The following BMERB1 variants were observed in gnomAD, a reference collection of about 807,000 sequenced individuals.
BMERB1 encodes the protein bMERB domain-containing protein 1.
In BMERB1, 12 loss-of-function variants were observed where a neutral mutation model predicts 23.6. The ratio of observed to expected loss-of-function variants is 0.51; its 90% CI spans 0.33 to 0.82. The LOEUF (loss-of-function observed/expected upper bound fraction) is 0.82, where lower values mean the gene tolerates loss of function less well. Among genes scored for constraint, BMERB1 ranks in the 40% least tolerant of loss-of-function variants. The probability of loss-of-function intolerance (pLI) is 0.03; values close to 1 mark genes in which losing one functional copy is unlikely to be tolerated. For synonymous variants in BMERB1, 122 were observed against 96.6 expected, an observed-to-expected ratio of 1.26 and a Z score of -1.54; for missense variants, 247 against 255.4, an observed-to-expected ratio of 0.97 and a Z score of 0.22.
At chr16:15,444,448 C>A (rs553349233) in intron 1 of BMERB1, among the ~76,000 whole-genome samples, 4 of 152,152 alleles carry the variant, frequency 2.6e-5, no homozygotes, top group Admixed American at 6.6e-5. Context: ...TGATCTTGGA[C>A]AATTGGCCTA....
chr16:15,497,112 C>T (rs76752915), intron 1 of BMERB1, among the ~76,000 whole-genome samples: 7 of 152,298 alleles, frequency 4.6e-5, no homozygotes, highest in South Asian at 2.1e-4. Context: ...CCAGGGGATT[C>T]GTCTAGGTCC....
intron 1 of BMERB1, among the ~76,000 whole-genome samples, chr16:15,447,405 GA>G (rs2050999475): frequency 1.3e-5 from 2 of 152,046 alleles, no homozygotes; most frequent in African/African-American, 2.4e-5. Context: ...CAGTATGGGG[GA>G]AACCGCCCCC....
At chr16:15,492,351 T>C (rs985218246) in intron 1 of BMERB1, among the ~76,000 whole-genome samples, 7 of 152,174 alleles carry the variant, frequency 4.6e-5, no homozygotes, top group African/African-American at 1.7e-4. Context: ...AGGTTCTGGA[T>C]TTTTGCTCCA....
rs1474391625 is a variant in BMERB1, at chr16:15,532,961, T to A, written c.230+17533T>A. 6.6e-6 allele frequency: 3 copies of A among 454,394 alleles called. No homozygotes were observed. The East Asian group carries it at 2.1e-4, about 32-fold the overall frequency. 28.1% of individuals were successfully genotyped at this position (454,394 alleles called of 1,614,324 possible). On this transcript the variant is annotated intron_variant, in intron 2 of 5. Coordinates refer to ENST00000300006, the MANE Select transcript of BMERB1 (RefSeq NM_033201.3). ...GCTCCGGATTAAATTACACCTAGATTTACATTCTACCTCTGCCATTTATAG... is the reference window on the plus strand; with the variant it reads ...GCTCCGGATTAAATTACACCTAGATATACATTCTACCTCTGCCATTTATAG...
intron 3 of BMERB1, among the ~76,000 whole-genome samples, chr16:15,577,651 G>A (rs914930684): frequency 7.6e-6 from 1 of 132,440 alleles, no homozygotes; most frequent in East Asian, 1.9e-4. Context: ...ATGTTCCGGG[G>A]TTTTATATGT....
At chr16:15,585,208 G>C (rs977006995) in intron 5 of BMERB1, among the ~76,000 whole-genome samples, 1 of 152,184 alleles carries the variant, frequency 6.6e-6, no homozygotes, top group Non-Finnish European at 1.5e-5. Context: ...TTTCATGAAA[G>C]GCAAGGTAGA....
intron 2 of BMERB1, among the ~76,000 whole-genome samples, chr16:15,537,300 A>G (rs2052034251): frequency 6.6e-6 from 1 of 152,088 alleles, no homozygotes; most frequent in Non-Finnish European, 1.5e-5. Context: ...TTATTTTTTT[A>G]AAGAAATCAA....
rs753513364 is a variant in BMERB1 at position 15,449,918 on chromosome 16, A to AT, written c.106+15172dup. Among the ~76,000 whole-genome samples, 433 of 146,616 alleles carry AT rather than the reference A, an allele frequency of 3.0e-3. 3 individuals carry two copies. Among genetic ancestry groups the AT allele is most frequent in the African/African-American group, 7.8e-3 (312 of 39,900 alleles). ...ATTTTTCTTTTTTGTTTTCTTTAAA[A>AT]TTTTTTTTTTTTTGGTAGAGATGGG... On this transcript the variant is annotated intron_variant, in intron 1 of 5. Transcript: ENST00000300006.
chr16:15,513,841 C>T (rs928910554), intron 1 of BMERB1, among the ~76,000 whole-genome samples: 5 of 151,932 alleles, frequency 3.3e-5, no homozygotes, highest in African/African-American at 1.2e-4. Flanking sequence ...TTGCATTGAG[C>T]CAAGATCGTG....
At chr16:15,570,364 C>T (rs923327004) in intron 3 of BMERB1, among the ~76,000 whole-genome samples, 4 of 152,126 alleles carry the variant, frequency 2.6e-5, no homozygotes, top group Non-Finnish European at 4.4e-5. Flanking sequence ...GCATGATGAG[C>T]CTTAGAGCAG....
chr16:15,527,175 C>A (rs1388341325), intron 2 of BMERB1, among the ~76,000 whole-genome samples: 1 of 151,962 alleles, frequency 6.6e-6, no homozygotes, highest in Non-Finnish European at 1.5e-5. Context: ...CCATCCCTCC[C>A]CAGAATTTTT....
intron 1 of BMERB1, among the ~76,000 whole-genome samples, chr16:15,480,761 G>A (rs1048384355): frequency 6.6e-6 from 1 of 151,706 alleles, no homozygotes; most frequent in African/African-American, 2.4e-5. Flanking sequence ...CTACAGGCAT[G>A]CACCACCACA....
chr16:15,500,289 C>T (rs933711130), intron 1 of BMERB1, among the ~76,000 whole-genome samples: 1 of 152,158 alleles, frequency 6.6e-6, no homozygotes, highest in Non-Finnish European at 1.5e-5. Flanking sequence ...GGGCCTGCAC[C>T]GCACACACTC....
At chr16:15,465,910 T>C (rs2051176617) in intron 1 of BMERB1, among the ~76,000 whole-genome samples, 2 of 152,244 alleles carry the variant, frequency 1.3e-5, no homozygotes, top group African/African-American at 4.8e-5. Context: ...TTGAAACATG[T>C]AGATCAATTC....
chr16:15,507,558 T>G (rs991684393), intron 1 of BMERB1, among the ~76,000 whole-genome samples: 3 of 152,130 alleles, frequency 2.0e-5, no homozygotes, highest in African/African-American at 7.2e-5. Flanking sequence ...TGCTTGGAAG[T>G]GTGCGTGAGA....
intron 1 of BMERB1, among the ~76,000 whole-genome samples, chr16:15,508,610 C>T (rs2051620598): frequency 6.6e-6 from 1 of 151,908 alleles, no homozygotes; most frequent in Admixed American, 6.6e-5. Flanking sequence ...ATCACTTGAG[C>T]TCAGGAGTTG....
chr16:15,504,718 T>C (rs552541736), intron 1 of BMERB1, among the ~76,000 whole-genome samples: 13 of 151,354 alleles, frequency 8.6e-5, no homozygotes, highest in Non-Finnish European at 1.9e-4. Context: ...CTTCCAAAGC[T>C]CCGGGATTAC....
Position 15,586,885 on chromosome 16 carries a change from T to C in BMERB1, c.*56T>C, listed in dbSNP as rs2031161544. The C allele has an allele frequency of 2.6e-6, 3 of 1,140,888 alleles. No individual in the cohort carries two copies. In the South Asian group the frequency reaches 4.5e-5, roughly 17 times the overall value. 70.7% of individuals were successfully genotyped at this position (1,140,888 alleles called of 1,614,324 possible). A position where few individuals can be genotyped will look rare whatever the true frequency, so the allele number is the denominator to read the frequency against. ...ACCCCCCCCCACCCTCTTGTCTTTA[T>C]AGCCCCCATTTCACCGGGGCCCAAG... On this transcript the variant is annotated 3_prime_UTR_variant, in exon 6 of 6. Coordinates refer to ENST00000300006, the MANE Select transcript of BMERB1 (RefSeq NM_033201.3).
intron 1 of BMERB1, among the ~76,000 whole-genome samples, chr16:15,456,871 G>A (rs117214617): frequency 0.037 from 5,679 of 152,080 alleles, 146 homozygotes; most frequent in Middle Eastern, 0.088. Context: ...TTTCGCCCAG[G>A]TTGGAGTGCA....
Sources: gnomAD v4.1 joint callset for allele counts (sites outside exome capture counted in the v4.1 genomes callset) on GRCh38, gnomAD v4.1.1 for gene constraint, MANE v1.5 for transcripts, NCBI Gene and HGNC (gene_info 2026-07-23, HGNC 2026-07-21) for gene names.